Variants in ZFHX3 observed in about 807,000 individuals in gnomAD.
ZFHX3 encodes zinc finger homeobox protein 3.
ZFHX3 carries 42 observed loss-of-function variants against 279.1 expected under a neutral mutation model. That is an observed-to-expected ratio of 0.15 (90% CI 0.12 to 0.19). The LOEUF is 0.19. Among genes scored for constraint, ZFHX3 ranks in the 10% least tolerant of loss-of-function variants. ZFHX3 has a pLI of 1.00. For synonymous variants in ZFHX3, 2,293 were observed against 1,957.8 expected (o/e 1.17, Z -4.52); for missense variants, 4,981 against 4,754.0 (o/e 1.05, Z -1.40).
intron 4 of ZFHX3, among the ~76,000 whole-genome samples, chr16:73,263,331 C>T (rs1004724499): frequency 2.0e-5 from 3 of 152,088 alleles, no homozygotes; most frequent in African/African-American, 4.8e-5. Flanking sequence ...CAGGCAAATG[C>T]CACTAAACTT....
intron 5 of ZFHX3, among the ~76,000 whole-genome samples, chr16:73,155,399 G>C (rs561305361): frequency 2.6e-4 from 40 of 152,220 alleles, no homozygotes; most frequent in African/African-American, 8.7e-4. Context: ...TGTTGCCCAA[G>C]AGGAAACAGA....
At chr16:73,266,899 T>C (rs903040811) in intron 4 of ZFHX3, among the ~76,000 whole-genome samples, 1 of 152,238 alleles carries the variant, frequency 6.6e-6, no homozygotes, top group Admixed American at 6.5e-5. Flanking sequence ...TCTTTTTCTT[T>C]ATAAATTATC....
intron 3 of ZFHX3, among the ~76,000 whole-genome samples, chr16:73,441,241 G>C (rs1473825105): frequency 1.3e-5 from 2 of 152,160 alleles, no homozygotes; most frequent in Non-Finnish European, 2.9e-5. Flanking sequence ...GAGCCCCTTA[G>C]AGAGAGGGAG....
intron 5 of ZFHX3, among the ~76,000 whole-genome samples, chr16:72,826,561 T>C (rs971874513): frequency 1.3e-5 from 2 of 152,180 alleles, no homozygotes; most frequent in African/African-American, 2.4e-5. Flanking sequence ...TGCTGGCACC[T>C]GTATCGATTC....
Position 72,818,471 on chromosome 16 carries a change from C to G in ZFHX3, c.3530-6433G>C, listed in dbSNP as rs191835584. On this transcript the variant is annotated intron_variant, in intron 5 of 9. Coordinates refer to ENST00000268489, the MANE Select transcript of ZFHX3 (RefSeq NM_006885.4). Reference sequence around the variant, plus strand: ...ATCTAGCTAAATTTTCTTCCTCCCCCCAATAGAGAGAACAACAGTTCCTTT... The same window carrying G: ...ATCTAGCTAAATTTTCTTCCTCCCCGCAATAGAGAGAACAACAGTTCCTTT... 5.4e-4 allele frequency among the ~76,000 whole-genome samples: 83 copies of G among 152,316 alleles called. No homozygotes were observed. The East Asian group carries it at 8.9e-3, about 16-fold the overall frequency.
chr16:73,865,591 C>G (rs1961994193), intron 1 of ZFHX3, among the ~76,000 whole-genome samples: 1 of 152,204 alleles, frequency 6.6e-6, no homozygotes, highest in Non-Finnish European at 1.5e-5. Flanking sequence ...CCCACTCACT[C>G]CCAGTTCTGG....
intron 5 of ZFHX3, among the ~76,000 whole-genome samples, chr16:73,254,156 C>CAATG (rs1391949414): frequency 5.9e-5 from 9 of 152,252 alleles, no homozygotes; most frequent in African/African-American, 2.2e-4. Context: ...CTCTAACAGG[C>CAATG]AATGGTTGCT....
intron 5 of ZFHX3, among the ~76,000 whole-genome samples, chr16:73,237,431 G>T (rs1410616983): frequency 1.3e-5 from 2 of 150,888 alleles, no homozygotes; most frequent in Non-Finnish European, 2.9e-5. Flanking sequence ...AAAAGATGGG[G>T]TTTTGCCATG....
At chr16:73,277,939 C>T (rs1313382581) in intron 4 of ZFHX3, among the ~76,000 whole-genome samples, 2 of 152,072 alleles carry the variant, frequency 1.3e-5, no homozygotes, top group African/African-American at 4.8e-5. Context: ...CTTTAAACAA[C>T]AGGATCTCAT....
intron 3 of ZFHX3, among the ~76,000 whole-genome samples, chr16:72,921,274 G>A (rs2039576880): frequency 1.3e-5 from 2 of 152,130 alleles, no homozygotes; most frequent in Non-Finnish European, 2.9e-5. Context: ...AAGCTTCTAG[G>A]AGATGCAGCT....
intron 4 of ZFHX3, among the ~76,000 whole-genome samples, chr16:72,869,330 C>T (rs1262218847): frequency 1.3e-5 from 2 of 152,128 alleles, no homozygotes; most frequent in African/African-American, 2.4e-5. Flanking sequence ...CCAGAGCCCT[C>T]GCCAACCAGA....
At chr16:73,428,119 C>T (rs2017844611) in intron 3 of ZFHX3, among the ~76,000 whole-genome samples, 1 of 152,138 alleles carries the variant, frequency 6.6e-6, no homozygotes, top group East Asian at 1.9e-4. Context: ...CAGAATTTCT[C>T]ATTAATGGGA....
At chr16:72,943,991 A>G (rs1025178797) in intron 3 of ZFHX3, among the ~76,000 whole-genome samples, 2 of 152,148 alleles carry the variant, frequency 1.3e-5, no homozygotes, top group African/African-American at 4.8e-5. Context: ...AAAAGTATCT[A>G]TATCTACTGA....
chr16:73,837,927 C>A (rs902913872), intron 1 of ZFHX3, among the ~76,000 whole-genome samples: 7 of 152,216 alleles, frequency 4.6e-5, no homozygotes, highest in Non-Finnish European at 1.0e-4. Context: ...TGAGCCACCG[C>A]ACCCAGCCTC....
Position 73,064,935 on chromosome 16 carries a change from T to G in ZFHX3, c.-532-5923A>C, listed in dbSNP as rs188413614. 2.6e-5 allele frequency among the ~76,000 whole-genome samples: 4 copies of G among 152,316 alleles called. No individual in the cohort carries two copies. The East Asian group carries it at 7.7e-4, about 29-fold the overall frequency. On this transcript the variant is annotated intron_variant, in intron 8 of 17. Transcript: ENST00000641206. ...GTAGGTACTAGAAGTTTGCACCACA[T>G]GTAAAGCCTGGGGCGAGTGAAGAAG...
Position 72,794,932 on chromosome 16 carries a change from G to T in ZFHX3, c.7750C>A (p.Leu2584Met), listed in dbSNP as rs145379540. 126 of 1,614,164 alleles carry T rather than the reference G, an allele frequency of 7.8e-5. No individual in the cohort carries two copies. The African/African-American group carries it at 1.6e-3, about 21-fold the overall frequency. ...FMLFDPSNPL[L>M]ASQLLSGAIP... ...GCCCCAGAGAGCAGCTGGCTGGCCA[G>T]GAGTGGGTTACTGGGATCAAAGAGC... The change falls in exon 9 of 10, where the codon CTG (leucine) becomes ATG (methionine). Residue 2584 changes from leucine to methionine, a missense_variant. By Grantham distance (15) the Leu-to-Met change is conservative. Transcript: ENST00000268489. The surrounding 1 kb of genome is among the most constrained non-coding windows in gnomAD (Gnocchi z 4.2).
At chr16:73,046,350 C>T (rs922695005) in intron 1 of ZFHX3, among the ~76,000 whole-genome samples, 3 of 152,148 alleles carry the variant, frequency 2.0e-5, no homozygotes, top group African/African-American at 7.2e-5. Context: ...GTTCTGATAA[C>T]AAGGAGCAGA....
intron 1 of ZFHX3, among the ~76,000 whole-genome samples, chr16:73,849,503 G>T (rs1359311324): frequency 6.6e-6 from 1 of 152,106 alleles, no homozygotes; most frequent in African/African-American, 2.4e-5. Flanking sequence ...GGATAACAGG[G>T]CCTGGTTTAA....
chr16:72,795,896 A>G lies in ZFHX3; in HGVS notation c.6786T>C (p.Asp2262=). 2 of 1,614,170 alleles carry G rather than the reference A, an allele frequency of 1.2e-6. No homozygotes were observed. The highest frequency in any genetic ancestry group is 1.7e-6 in the Non-Finnish European group (2 of 1,180,022). The change falls in exon 9 of 10, where the codon GAT becomes GAC. Residue 2262 remains aspartate (D), a synonymous_variant. Coordinates refer to ENST00000268489, the MANE Select transcript of ZFHX3 (RefSeq NM_006885.4). The part of the protein sequence containing the change: ...YQLRVLQDFF[D]ANAYPKDDEF... Reference sequence around the variant, plus strand: ...CATCATCCTTTGGGTAAGCATTGGCATCGAAGAAGTCCTGTAAGACCCTCA... The same window carrying G: ...CATCATCCTTTGGGTAAGCATTGGCGTCGAAGAAGTCCTGTAAGACCCTCA...
Sources: gnomAD v4.1 joint callset for allele counts (sites outside exome capture counted in the v4.1 genomes callset) on GRCh38, gnomAD v4.1.1 for gene constraint, Gnocchi (gnomAD v3.1) non-coding constraint, MANE v1.5 for transcripts, NCBI Gene and HGNC (gene_info 2026-07-23, HGNC 2026-07-21) for gene names.